RBBP6: variants seen among roughly 807,000 people sequenced by gnomAD.
The protein encoded by RBBP6 is E3 ubiquitin-protein ligase RBBP6.
A neutral mutation model predicts 167.7 loss-of-function variants in RBBP6; 25 were observed. The ratio of observed to expected loss-of-function variants is 0.15; its 90% CI spans 0.11 to 0.21. The LOEUF (loss-of-function observed/expected upper bound fraction) is 0.21. RBBP6 is among the 10% of genes least tolerant of loss of function. The pLI, the probability that RBBP6 is intolerant of heterozygous loss-of-function variation, is 1.00. For missense variants in RBBP6, 1,868 were observed against 2,134.2 expected (o/e 0.88, Z 2.46); for synonymous variants, 789 against 735.8 (o/e 1.07, Z -1.17).
rs1211270902 is a variant in RBBP6, at chr16:24,569,769, G to C, written c.3079G>C (p.Ala1027Pro). 1.2e-6 allele frequency: 2 copies of C among 1,613,932 alleles called. No homozygotes were observed. The highest frequency in any genetic ancestry group is 3.3e-5 in the Admixed American group (2 of 59,986). The change falls in exon 17 of 18, where the codon GCT (alanine) becomes CCT (proline). Residue 1027 changes from alanine to proline, a missense_variant. Around this residue, in one of 7 missense-constraint regions of RBBP6, gnomAD observed 673 missense variants for 691.5 expected, o/e 0.97. Transcript: ENST00000319715. ...AACCAAACGGAAGAATGATGGATCT[G>C]CTGTGTCCAAAAAAGAAAATATTGT... ...DKTKRKNDGS[A>P]VSKKENIVKP...
rs201832488 is a variant in RBBP6 at position 24,569,221 on chromosome 16, G to T, written c.2531G>T (p.Gly844Val). Residue 844 changes from glycine (G) to valine (V), a missense_variant, in exon 17 of 18, where the codon GGT becomes GTT. Gly to Val is a moderately radical substitution (Grantham distance 109). Transcript: ENST00000319715. ...YREWYEKYYK[G>V]YAAGAQPRPS... ...GAGTGGTATGAAAAATATTATAAAG[G>T]TTATGCTGCTGGAGCACAGCCTAGA... 4 of 1,613,758 alleles carry T rather than the reference G, an allele frequency of 2.5e-6. No individual in the cohort carries two copies. Among genetic ancestry groups the T allele is most frequent in the Admixed American group, 3.3e-5 (2 of 59,926 alleles).
chr16:24,571,259 GTGAAAAAGGGAAAACCAAAGATC>G lies in RBBP6; in HGVS notation c.4194_4216del (p.Ser1398ArgfsTer12). The G allele has an allele frequency of 6.2e-7, 1 of 1,612,448 alleles. No homozygotes were observed. Among genetic ancestry groups the G allele is most frequent in the Non-Finnish European group, 8.5e-7 (1 of 1,179,664 alleles). On this transcript the variant is annotated frameshift_variant, in exon 18 of 18. Coordinates refer to ENST00000319715, the MANE Select transcript of RBBP6 (RefSeq NM_006910.5). LOFTEE classifies it high-confidence loss of function. ...AAAAGTTCAAAAAACTCTGCATCTA[GTGAAAAAGGGAAAACCAAAGATC>G]GAGATTATTCAGTGTTGGAAAAGGA...
In RBBP6 at chr16:24,567,153, C is replaced by T. The variant is rs149857282; in HGVS notation, c.1600C>T (p.Arg534Cys). 8 of 1,612,528 alleles carry T rather than the reference C, an allele frequency of 5.0e-6. No individual in the cohort carries two copies. Among genetic ancestry groups the T allele is most frequent in the Non-Finnish European group, 6.8e-6 (8 of 1,178,856 alleles). ...AATTTATTTTTCCAGAAGTATAAAC[C>T]GTGGGCGACACCACAGCGAAAGATC... The part of the protein sequence containing the change: ...GERSCYRSIN[R>C]GRHHSERSQR... Residue 534 changes from arginine (R) to cysteine (C), a missense_variant, in exon 15 of 18, where the codon CGT (arginine) becomes TGT (cysteine). Coordinates refer to ENST00000319715, the MANE Select transcript of RBBP6 (RefSeq NM_006910.5).
chr16:24,553,235 G>A (rs1898840084), intron 3 of RBBP6: 2 of 327,400 alleles, frequency 6.1e-6, no homozygotes, highest in African/African-American at 2.1e-5. Context: ...GGGACTCCTA[G>A]TATTCAGTCG....
chr16:24,539,604 A>G lies in RBBP6; in HGVS notation c.-1023A>G, dbSNP rs930986167. 7 of 152,128 alleles carry G rather than the reference A, an allele frequency of 4.6e-5. No homozygotes were observed. Among genetic ancestry groups the G allele is most frequent in the Non-Finnish European group, 8.8e-5 (6 of 68,076 alleles). The allele number at this position is 152,128 out of a possible 1,614,324, so 9.4% of individuals were successfully genotyped here. On this transcript the variant is annotated 5_prime_UTR_variant, in exon 1 of 18. Transcript: ENST00000319715. ...CGTCCGAAGCCAGGCCGCGTCCGCC[A>G]TAGTACCTGGCTTGGAGGTGTCGCC...
At chr16:24,556,579 C>T (rs1437689044) in intron 7 of RBBP6, 132 bp downstream of exon 7, 8 of 1,031,822 alleles carry the variant, frequency 7.8e-6, no homozygotes, top group Non-Finnish European at 1.0e-5. Context: ...TTAGTCTCTA[C>T]ATCTTGCATT....
At chr16:24,560,138 G>A (rs576218808) in intron 8 of RBBP6, among the ~76,000 whole-genome samples, 93 of 134,752 alleles carry the variant, frequency 6.9e-4, no homozygotes, top group African/African-American at 2.5e-3. Context: ...TTGAGACAGA[G>A]TCTCACTGTC....
rs1481421558 is a variant in RBBP6, at chr16:24,540,165, C to T, written c.-462C>T. On this transcript the variant is annotated 5_prime_UTR_variant, in exon 1 of 18. Coordinates refer to ENST00000319715, the MANE Select transcript of RBBP6 (RefSeq NM_006910.5). ...GCCTAGGCCCTCTCCCCTCAACCTT[C>T]TCCCGGGGCCTGGGTCACCCCAATC... 4 of 155,032 alleles carry T rather than the reference C, an allele frequency of 2.6e-5. No homozygotes were observed. Among genetic ancestry groups the T allele is most frequent in the East Asian group, 3.8e-4 (2 of 5,220 alleles). 9.6% of individuals were successfully genotyped at this position (155,032 alleles called of 1,614,324 possible). A position where few individuals can be genotyped will look rare whatever the true frequency, so the allele number is the denominator to read the frequency against.
Position 24,570,108 on chromosome 16 carries a change from C to T in RBBP6, c.3418C>T (p.Leu1140Phe). The T allele has an allele frequency of 6.3e-7, 1 of 1,596,666 alleles. No homozygotes were observed. Among genetic ancestry groups the T allele is most frequent in the Non-Finnish European group, 8.5e-7 (1 of 1,176,012 alleles). Residue 1140 changes from leucine (L) to phenylalanine (F), a missense_variant, in exon 17 of 18, where the codon CTT (leucine) becomes TTT (phenylalanine). Transcript: ENST00000319715. ...GAAGCCTAATGAGAAAAACAAACCA[C>T]TTGATAATAAGGGAGAAAAAAGAAA... is the stretch of plus-strand genomic sequence containing the variant. The part of the protein sequence containing the change: ...AKKPNEKNKP[L>F]DNKGEKRKRK...
At chr16:24,560,575 TTTTA>T (rs1899026439) in intron 8 of RBBP6, among the ~76,000 whole-genome samples, 2 of 152,244 alleles carry the variant, frequency 1.3e-5, no homozygotes, top group Non-Finnish European at 2.9e-5. Context: ...CCTTTTTCAT[TTTTA>T]AAGGTAGTTT....
In RBBP6 at chr16:24,572,451, C is replaced by CA; in HGVS notation, c.*7dup. On this transcript the variant is annotated 3_prime_UTR_variant, in exon 18 of 18. Transcript: ENST00000319715. ...TGAAATCTGTCACTGTGTAAAAAGACAGATTTTTTAAATTGACTTAATTAC... is the reference window on the plus strand; with the variant it reads ...TGAAATCTGTCACTGTGTAAAAAGACAAGATTTTTTAAATTGACTTAATTAC... The CA allele has an allele frequency of 6.6e-7, 1 of 1,513,148 alleles. No individual in the cohort carries two copies. Among genetic ancestry groups the CA allele is most frequent in the South Asian group, 1.3e-5 (1 of 76,916 alleles). The allele number at this position is 1,513,148 out of a possible 1,614,324, so 93.7% of individuals were successfully genotyped here.
intron 9 of RBBP6, 45 bp downstream of exon 9, chr16:24,561,760 T>C (rs1219220746): frequency 6.2e-7 from 1 of 1,607,408 alleles, no homozygotes. Flanking sequence ...TTTTAACTGA[T>C]TTAACTGTAC....
Position 24,563,636 on chromosome 16 carries a change from C to A in RBBP6, c.1492C>A (p.Pro498Thr). 2 of 1,611,464 alleles carry A rather than the reference C, an allele frequency of 1.2e-6. No individual in the cohort carries two copies. The highest frequency in any genetic ancestry group is 1.7e-6 in the Non-Finnish European group (2 of 1,179,530). ...TCCAGTAAGAATAAATACTGCTCGTCCAGGTGGTGGTCGACCAGGCTGGGA... is the reference window on the plus strand; with the variant it reads ...TCCAGTAAGAATAAATACTGCTCGTACAGGTGGTGGTCGACCAGGCTGGGA... ...TGPVRINTAR[P>T]GGGRPGWEHS... Residue 498 changes from proline (P) to threonine (T), a missense_variant, in exon 13 of 18, where the codon CCA becomes ACA. This residue lies in a region of RBBP6 where 245 missense variants were observed against 240.1 expected (regional missense o/e 1.02). Transcript: ENST00000319715.
intron 14 of RBBP6, 97 bp downstream of exon 14, chr16:24,564,962 G>A: frequency 1.3e-6 from 2 of 1,489,294 alleles, no homozygotes; most frequent in Non-Finnish European, 8.9e-7. Flanking sequence ...GAAGGAAGGG[G>A]GTCATTTGTT....
intron 1 of RBBP6, 26 bp downstream of exon 1, chr16:24,540,818 T>C (rs374200570): frequency 7.5e-5 from 120 of 1,599,126 alleles, no homozygotes; most frequent in Non-Finnish European, 9.5e-5. Context: ...TCTTAAGATA[T>C]TTGGTGGCTG....
At position 24,571,842 on chromosome 16, in the gene RBBP6, C is replaced by T. The variant is rs1258885100; in HGVS notation, c.4776C>T (p.Asn1592=). 1 of 1,614,066 alleles carries T rather than the reference C, an allele frequency of 6.2e-7. No homozygotes were observed. The highest frequency in any genetic ancestry group is 1.7e-5 in the Admixed American group (1 of 60,020). The change falls in exon 18 of 18, where the codon AAC becomes AAT. Residue 1592 remains asparagine, a synonymous_variant. Coordinates refer to ENST00000319715, the MANE Select transcript of RBBP6 (RefSeq NM_006910.5). ...GCAATAAACTACTTTATATACTTAA[C>T]CCACCAGAGACACAGGTTGAAAAAG... ...SSGNKLLYIL[N]PPETQVEKEQ...
chr16:24,560,260 C>G (rs1482202416), intron 8 of RBBP6, among the ~76,000 whole-genome samples: 1 of 152,058 alleles, frequency 6.6e-6, no homozygotes, highest in African/African-American at 2.4e-5. Flanking sequence ...GTGCCCGCCA[C>G]CACACCCGGC....
intron 10 of RBBP6, 31 bp from the exon 11 acceptor site, chr16:24,563,168 T>G: frequency 2.6e-6 from 4 of 1,528,314 alleles, no homozygotes; most frequent in Non-Finnish European, 8.9e-7. Flanking sequence ...TCTGATAATT[T>G]TTAATGTATT....
chr16:24,572,648 CAT>C lies in RBBP6; in HGVS notation c.*204_*205del, dbSNP rs1899369682. 8.9e-6 allele frequency: 6 copies of C among 672,108 alleles called. No homozygotes were observed. The highest frequency in any genetic ancestry group is 6.6e-5 in the East Asian group (2 of 30,272). 41.6% of individuals were successfully genotyped at this position (672,108 alleles called of 1,614,324 possible). A position where few individuals can be genotyped will look rare whatever the true frequency, so the allele number is the denominator to read the frequency against. ...AGAATTGTGAGTTGTGACCATGTAACATGAGAGGTTTTGCTAGGGCCTATTAT... is the reference window on the plus strand; with the variant it reads ...AGAATTGTGAGTTGTGACCATGTAACGAGAGGTTTTGCTAGGGCCTATTAT... On this transcript the variant is annotated 3_prime_UTR_variant, in exon 18 of 18. Transcript: ENST00000319715.
Sources: gnomAD v4.1 joint callset for allele counts (sites outside exome capture counted in the v4.1 genomes callset) on GRCh38, gnomAD v4.1.1 for gene constraint, gnomAD v4.1.1 regional missense constraint, MANE v1.5 for transcripts, NCBI Gene and HGNC (gene_info 2026-07-23, HGNC 2026-07-21) for gene names.